The following TSHZ2 variants were observed in gnomAD, a reference collection of about 807,000 sequenced individuals.
TSHZ2 encodes teashirt zinc finger homeobox 2, also known as teashirt homolog 2.
In TSHZ2, 21 loss-of-function variants were observed where a neutral mutation model predicts 74.4. That is an observed-to-expected ratio of 0.28 (90% CI 0.20 to 0.41). The LOEUF (loss-of-function observed/expected upper bound fraction) is 0.41. TSHZ2 is among the 10% of genes least tolerant of loss of function. TSHZ2 has a pLI of 1.00. For missense variants in TSHZ2, 1,244 were observed against 1,293.5 expected, an observed-to-expected ratio of 0.96 and a Z score of 0.59; for synonymous variants, 540 against 515.3, an observed-to-expected ratio of 1.05 and a Z score of -0.65.
At chr20:52,996,118 A>G (rs921587356) in intron 1 of TSHZ2, among the ~76,000 whole-genome samples, 1 of 152,138 alleles carries the variant, frequency 6.6e-6, no homozygotes, top group Non-Finnish European at 1.5e-5. Flanking sequence ...AAAGAGATAT[A>G]TTCTTTTGAG....
At chr20:53,370,604 A>T (rs156614) in intron 2 of TSHZ2, among the ~76,000 whole-genome samples, 81,648 of 151,774 alleles carry the variant, frequency 0.54, 24,986 homozygotes, top group Non-Finnish European at 0.7. Context: ...CTACAAAAAA[A>T]TTTTTAAAAA....
At chr20:53,375,440 T>C (rs1421733730) in intron 2 of TSHZ2, among the ~76,000 whole-genome samples, 1 of 152,214 alleles carries the variant, frequency 6.6e-6, no homozygotes, top group African/African-American at 2.4e-5. Flanking sequence ...TGGTACTTAT[T>C]CCCCAAATGA....
At chr20:53,192,802 A>G (rs572211079) in intron 1 of TSHZ2, among the ~76,000 whole-genome samples, 10 of 152,280 alleles carry the variant, frequency 6.6e-5, no homozygotes, top group Non-Finnish European at 1.3e-4. Flanking sequence ...ACATCTCCTG[A>G]TTTTCATCAT....
At chr20:53,353,370 CAT>C (rs1224582143) in intron 2 of TSHZ2, among the ~76,000 whole-genome samples, 1 of 152,186 alleles carries the variant, frequency 6.6e-6, no homozygotes, top group African/African-American at 2.4e-5. Flanking sequence ...TTGTATTTCT[CAT>C]ATGTGTGTAC....
intron 2 of TSHZ2, among the ~76,000 whole-genome samples, chr20:53,416,670 T>G (rs1983264323): frequency 6.6e-6 from 1 of 152,208 alleles, no homozygotes; most frequent in African/African-American, 2.4e-5. Context: ...ATTTGACCTT[T>G]TAAGAAACTG....
intron 1 of TSHZ2, among the ~76,000 whole-genome samples, chr20:53,069,654 T>G (rs2123192627): frequency 7.1e-6 from 1 of 140,622 alleles, no homozygotes; most frequent in Non-Finnish European, 1.5e-5. Context: ...AAAAGGTCAA[T>G]GCTTTGATAC....
intron 1 of TSHZ2, chr20:53,208,713 C>T (rs890803286): frequency 2.0e-5 from 3 of 152,210 alleles, no homozygotes; most frequent in Admixed American, 2.0e-4. Context: ...GAGCTCAGAG[C>T]AGTTAACTAA....
At chr20:53,420,053 T>G (rs530039712) in intron 2 of TSHZ2, among the ~76,000 whole-genome samples, 57 of 152,354 alleles carry the variant, frequency 3.7e-4, no homozygotes, top group Middle Eastern at 3.4e-3. Flanking sequence ...GTCCACTAAG[T>G]GCCAGGCACT....
chr20:53,067,966 G>A (rs1985044801), intron 1 of TSHZ2, among the ~76,000 whole-genome samples: 2 of 152,130 alleles, frequency 1.3e-5, no homozygotes, highest in African/African-American at 4.8e-5. Flanking sequence ...AGCAATCCTT[G>A]GCTTGTAGAC....
chr20:53,030,681 A>G (rs1983602175), intron 1 of TSHZ2, among the ~76,000 whole-genome samples: 1 of 152,250 alleles, frequency 6.6e-6, no homozygotes, highest in Non-Finnish European at 1.5e-5. Flanking sequence ...TTCTGGCTAT[A>G]AAAGGAATAC....
At chr20:53,350,818 T>C (rs1413821179) in intron 2 of TSHZ2, among the ~76,000 whole-genome samples, 1 of 152,240 alleles carries the variant, frequency 6.6e-6, no homozygotes, top group Non-Finnish European at 1.5e-5. Flanking sequence ...AATATTATAG[T>C]AACCTGTGGC....
rs187971130 is a variant in TSHZ2 at position 53,087,809 on chromosome 20, A to G, written c.40+114476A>G. 5.3e-5 allele frequency among the ~76,000 whole-genome samples: 8 copies of G among 152,326 alleles called. No individual in the cohort carries two copies. The East Asian group carries it at 1.2e-3, about 22-fold the overall frequency. The stretch of plus-strand genomic sequence containing the variant: ...TAGTACCTCTGCTTCTTCTAGTTGG[A>G]TTAAATCCAAGGACAGGTAAATTCT... On this transcript the variant is annotated intron_variant, in intron 1 of 2. Coordinates refer to ENST00000371497, the MANE Select transcript of TSHZ2 (RefSeq NM_173485.6).
chr20:53,057,984 G>A (rs887367905), intron 1 of TSHZ2, among the ~76,000 whole-genome samples: 2 of 152,188 alleles, frequency 1.3e-5, no homozygotes, highest in South Asian at 2.1e-4. Flanking sequence ...CATGGAGGAC[G>A]ATTTTTCTAG....
At chr20:53,059,524 G>T (rs1984752721) in intron 1 of TSHZ2, among the ~76,000 whole-genome samples, 2 of 152,158 alleles carry the variant, frequency 1.3e-5, no homozygotes, top group South Asian at 4.1e-4. Context: ...GAGTCTTACA[G>T]ATGACAAAAT....
intron 2 of TSHZ2, among the ~76,000 whole-genome samples, chr20:53,413,440 G>C (rs1983124591): frequency 6.6e-6 from 1 of 152,224 alleles, no homozygotes. Context: ...GCCAGCGGGA[G>C]ATCACGTGAG....
intron 1 of TSHZ2, among the ~76,000 whole-genome samples, chr20:53,050,056 G>T (rs1035775315): frequency 2.1e-5 from 3 of 143,940 alleles, no homozygotes; most frequent in African/African-American, 7.8e-5. Context: ...ACTCTAGCCT[G>T]GGCAACAAAG....
chr20:53,009,242 G>A (rs1364112660), intron 1 of TSHZ2, among the ~76,000 whole-genome samples: 1 of 152,120 alleles, frequency 6.6e-6, no homozygotes, highest in Admixed American at 6.6e-5. Context: ...GGAGGCTGAG[G>A]CTGGAGAATC....
chr20:53,308,733 T>C (rs1469052252), intron 2 of TSHZ2, among the ~76,000 whole-genome samples: 2 of 152,230 alleles, frequency 1.3e-5, no homozygotes, highest in Non-Finnish European at 2.9e-5. Flanking sequence ...ATTTTATTCT[T>C]CTTTATTTTG....
intron 2 of TSHZ2, among the ~76,000 whole-genome samples, chr20:53,360,929 C>T (rs896061791): frequency 6.6e-6 from 1 of 152,216 alleles, no homozygotes; most frequent in Non-Finnish European, 1.5e-5. Flanking sequence ...GATGGTTTCT[C>T]GCACAGCAGG....
Sources: gnomAD v4.1 joint callset for allele counts (sites outside exome capture counted in the v4.1 genomes callset) on GRCh38, gnomAD v4.1.1 for gene constraint, MANE v1.5 for transcripts, NCBI Gene and HGNC (gene_info 2026-07-23, HGNC 2026-07-21) for gene names.